Variants in SCIN observed in about 807,000 individuals in gnomAD.
The protein encoded by SCIN is scinderin, also known as adseverin.
In SCIN, 91 loss-of-function variants were observed where a neutral mutation model predicts 91.8. The observed-to-expected ratio is 0.99, with a 90% CI of 0.84 to 1.18. The LOEUF (loss-of-function observed/expected upper bound fraction) is 1.18, where lower values mean the gene tolerates loss of function less well. Among genes scored for constraint, SCIN ranks in the 50% most tolerant of loss-of-function variants. The probability of loss-of-function intolerance (pLI) is 0.00; values close to 1 mark genes in which losing one functional copy is unlikely to be tolerated. For missense variants in SCIN, 1,087 were observed against 863.9 expected (o/e 1.26, Z -3.24); for synonymous variants, 367 against 312.6 (o/e 1.17, Z -1.84).
intron 9 of SCIN, among the ~76,000 whole-genome samples, chr7:12,634,354 G>A (rs775806823): frequency 1.3e-4 from 19 of 151,890 alleles, no homozygotes; most frequent in Non-Finnish European, 2.4e-4. Flanking sequence ...GCATAGTGGT[G>A]TATGCCTGTA....
At chr7:12,594,079 C>T (rs867963649) in intron 3 of SCIN, among the ~76,000 whole-genome samples, 15 of 152,250 alleles carry the variant, frequency 9.9e-5, no homozygotes, top group Middle Eastern at 3.4e-3. Context: ...CCGCTACTTC[C>T]CGGAGAGGAA....
intron 3 of SCIN, among the ~76,000 whole-genome samples, chr7:12,594,128 C>T (rs375829240): frequency 6.6e-5 from 10 of 151,824 alleles, no homozygotes; most frequent in East Asian, 1.9e-4. Flanking sequence ...GGCCCGAGAG[C>T]GGGTGAGGGG....
At chr7:12,576,851 T>C (rs1457838359) in intron 1 of SCIN, among the ~76,000 whole-genome samples, 1 of 152,186 alleles carries the variant, frequency 6.6e-6, no homozygotes, top group African/African-American at 2.4e-5. Flanking sequence ...ATGTAAAACA[T>C]TGGCATAGTG....
chr7:12,606,320 G>A (rs1035874918), intron 4 of SCIN, among the ~76,000 whole-genome samples: 8 of 152,094 alleles, frequency 5.3e-5, no homozygotes, highest in Non-Finnish European at 1.0e-4. Flanking sequence ...TATTCCTCCA[G>A]TAATTTTAGA....
chr7:12,624,329 A>G (rs1289421875), intron 5 of SCIN, among the ~76,000 whole-genome samples: 1 of 152,246 alleles, frequency 6.6e-6, no homozygotes, highest in Non-Finnish European at 1.5e-5. Flanking sequence ...TAACCTGCAC[A>G]TGAATATCAC....
At position 12,626,727 on chromosome 7, in the gene SCIN, CT is replaced by C; in HGVS notation, c.1126del (p.Ser376GlnfsTer28). On this transcript the variant is annotated frameshift_variant, in exon 8 of 16. Transcript: ENST00000297029. LOFTEE classifies it high-confidence loss of function. Reference protein sequence around the residue: ...AQIKQIPFDASKLHSSPQMAA... With the variant: ...AQIKQIPFDAXKLHSSPQMAA... ...AAATAAAACAAATTCCCTTTGATGC[CT>C]CAAAATTACACAGTTCTCCGCAGAT... 6.2e-7 allele frequency: 1 copy of C among 1,608,206 alleles called. No individual in the cohort carries two copies. The highest frequency in any genetic ancestry group is 1.1e-5 in the South Asian group (1 of 89,662).
At chr7:12,647,613 C>G (rs1389780147) in intron 13 of SCIN, among the ~76,000 whole-genome samples, 1 of 152,186 alleles carries the variant, frequency 6.6e-6, no homozygotes, top group Non-Finnish European at 1.5e-5. Flanking sequence ...GCATATAAAA[C>G]ATTAGAACAG....
rs10654667 is a variant in SCIN, at chr7:12,627,091, TACAC to T, written c.1197+312_1197+315del. Among the ~76,000 whole-genome samples the T allele has an allele frequency of 5.2e-4, 77 of 149,238 alleles. No individual in the cohort carries two copies. The East Asian group carries it at 8.9e-3, about 17-fold the overall frequency. ...GGTGACAGAGTGAGAAATGTGTGTATACACACACACACACACACACACATAAATG... is the reference window on the plus strand; with the variant it reads ...GGTGACAGAGTGAGAAATGTGTGTATACACACACACACACACACATAAATG... On this transcript the variant is annotated intron_variant, in intron 8 of 15. Transcript: ENST00000297029.
At position 12,651,949 on chromosome 7, in the gene SCIN, G is replaced by A. The variant is rs1784088105; in HGVS notation, c.2020+48G>A. On this transcript the variant is annotated intron_variant, in intron 15 of 15. Coordinates refer to ENST00000297029, the MANE Select transcript of SCIN (RefSeq NM_001112706.3). This position sits in a 1 kb window ranked among gnomAD's most constrained non-coding sequence, Gnocchi z 5.9. ...TATAGCAGTAACCGGGCACCATTAT[G>A]ACCGAGTGTCTGGCTTGCTCTTTGC... 1 of 1,304,326 alleles carries A rather than the reference G, an allele frequency of 7.7e-7. No homozygotes were observed. The highest frequency in any genetic ancestry group is 1.1e-6 in the Non-Finnish European group (1 of 918,740). 80.8% of individuals were successfully genotyped at this position (1,304,326 alleles called of 1,614,324 possible). A position where few individuals can be genotyped will look rare whatever the true frequency, so the allele number is the denominator to read the frequency against.
chr7:12,640,212 A>G (rs959451614), intron 10 of SCIN, 135 bp from the exon 11 acceptor site: 26 of 696,316 alleles, frequency 3.7e-5, no homozygotes, highest in South Asian at 3.0e-4. Context: ...TCTGTTAATC[A>G]TCATTCCTCC....
chr7:12,571,282 C>G (rs936479976), intron 1 of SCIN: 1 of 435,154 alleles, frequency 2.3e-6, no homozygotes. Flanking sequence ...CTTTCACCGT[C>G]AAGTATCCAA....
intron 11 of SCIN, among the ~76,000 whole-genome samples, chr7:12,641,336 C>A (rs1783854335): frequency 2.0e-5 from 3 of 152,174 alleles, no homozygotes; most frequent in Non-Finnish European, 4.4e-5. Flanking sequence ...TCCCTGGCAG[C>A]CCTCTCAAGT....
intron 3 of SCIN, among the ~76,000 whole-genome samples, chr7:12,598,265 C>G (rs969594628): frequency 6.6e-6 from 1 of 151,942 alleles, no homozygotes; most frequent in Non-Finnish European, 1.5e-5. Context: ...AGCCTACTCC[C>G]TGGTGGAAAC....
In SCIN at chr7:12,570,981, G is replaced by T; in HGVS notation, c.195G>T (p.Trp65Cys). Residue 65 changes from tryptophan (W) to cysteine (C), a missense_variant, in exon 1 of 16, where the codon TGG becomes TGT. Trp to Cys is a radical substitution (Grantham distance 215). Transcript: ENST00000297029. ...SRGFTYHLHFWLGKECSQDES... is the reference protein window; with the variant it reads ...SRGFTYHLHFCLGKECSQDES... ...GCTTCACCTACCACCTGCACTTCTG[G>T]CTCGGTAAGGGACGGCGGGCGGCGG... 6.5e-7 allele frequency: 1 copy of T among 1,549,856 alleles called. No individual in the cohort carries two copies. Among genetic ancestry groups the T allele is most frequent in the Non-Finnish European group, 8.7e-7 (1 of 1,145,842 alleles).
intron 4 of SCIN, among the ~76,000 whole-genome samples, chr7:12,605,612 C>T (rs901676105): frequency 3.3e-5 from 5 of 152,112 alleles, no homozygotes; most frequent in Non-Finnish European, 7.3e-5. Flanking sequence ...TAATTTTGCG[C>T]ATGAAACAAA....
rs1283213684 is a variant in SCIN, at chr7:12,644,712, G to A, written c.1881+7G>A. On this transcript the variant is annotated splice_region_variant and intron_variant, in intron 13 of 15. Coordinates refer to ENST00000297029, the MANE Select transcript of SCIN (RefSeq NM_001112706.3). ...CAAAACTGGAAGATTTGTTGTAAGT[G>A]TCCTTAAAAATAGTGCGATAGGGCT... 1 of 1,555,258 alleles carries A rather than the reference G, an allele frequency of 6.4e-7. No individual in the cohort carries two copies. Among genetic ancestry groups the A allele is most frequent in the South Asian group, 1.2e-5 (1 of 84,352 alleles).
chr7:12,580,205 T>G (rs1782459454), intron 2 of SCIN, among the ~76,000 whole-genome samples: 1 of 152,076 alleles, frequency 6.6e-6, no homozygotes, highest in Non-Finnish European at 1.5e-5. Context: ...AGTGACAGTT[T>G]TGTTTATACT....
intron 1 of SCIN, chr7:12,571,596 T>A (rs1055390251): frequency 2.1e-6 from 1 of 468,578 alleles, no homozygotes; most frequent in African/African-American, 2.0e-5. Context: ...AAACTCCGCT[T>A]CATTCGGAAG....
chr7:12,606,532 G>T (rs1583295141), intron 4 of SCIN, among the ~76,000 whole-genome samples: 2 of 152,226 alleles, frequency 1.3e-5, no homozygotes, highest in East Asian at 1.9e-4. Context: ...TCACATTAAT[G>T]ATGTTTTGGA....
Sources: allele counts gnomAD v4.1 joint callset (sites outside exome capture counted in the v4.1 genomes callset), GRCh38; gene constraint gnomAD v4.1.1; non-coding constraint Gnocchi (gnomAD v3.1); transcripts MANE v1.5; gene names NCBI Gene and HGNC (gene_info 2026-07-23, HGNC 2026-07-21).